DLGAP1: variants seen among roughly 807,000 people sequenced by gnomAD.
DLGAP1 encodes the protein disks large-associated protein 1.
A neutral mutation model predicts 90.8 loss-of-function variants in DLGAP1; 11 were observed. The ratio of observed to expected loss-of-function variants is 0.12; its 90% CI spans 0.08 to 0.20. The LOEUF is 0.20. DLGAP1 is among the 10% of genes least tolerant of loss of function. The probability of loss-of-function intolerance (pLI) is 1.00; values close to 1 mark genes in which losing one functional copy is unlikely to be tolerated. For missense variants in DLGAP1, 1,050 were observed against 1,333.8 expected (o/e 0.79, Z 3.31); for synonymous variants, 558 against 540.7 (o/e 1.03, Z -0.44).
In DLGAP1 at chr18:3,874,364, G is replaced by A. The variant is rs192808547; in HGVS notation, c.957+4748C>T. 9.3e-5 allele frequency: 138 copies of A among 1,489,730 alleles called. No individual in the cohort carries two copies. In the African/African-American group the frequency reaches 1.6e-3, roughly 18 times the overall value. The allele number at this position is 1,489,730 out of a possible 1,614,324, so 92.3% of individuals were successfully genotyped here. A position where few individuals can be genotyped will look rare whatever the true frequency, so the allele number is the denominator to read the frequency against. On this transcript the variant is annotated intron_variant, in intron 4 of 12. Transcript: ENST00000315677. ...TTTGTTTCCCTTTTCCTGTTTCTAC[G>A]GCTGAATGAATGCAAAATACACTGT...
At chr18:4,318,690 G>A (rs1310902768) in intron 1 of DLGAP1, among the ~76,000 whole-genome samples, 1 of 152,092 alleles carries the variant, frequency 6.6e-6, no homozygotes, top group Non-Finnish European at 1.5e-5. Context: ...ACTTCATTAA[G>A]AATGTGCATC....
At chr18:3,795,521 G>C (rs1029553593) in intron 5 of DLGAP1, among the ~76,000 whole-genome samples, 1 of 152,112 alleles carries the variant, frequency 6.6e-6, no homozygotes, top group South Asian at 2.1e-4. Flanking sequence ...TCACCATGTT[G>C]GCCAGGATGG....
intron 3 of DLGAP1, among the ~76,000 whole-genome samples, chr18:4,002,827 C>T (rs889996097): frequency 6.6e-6 from 1 of 152,168 alleles, no homozygotes; most frequent in Non-Finnish European, 1.5e-5. Flanking sequence ...GAGCCCTCAA[C>T]AGAGAATATG....
At chr18:3,574,249 G>C (rs1394281471) in intron 8 of DLGAP1, among the ~76,000 whole-genome samples, 1 of 151,830 alleles carries the variant, frequency 6.6e-6, no homozygotes, top group Non-Finnish European at 1.5e-5. Context: ...CACTTTACTT[G>C]TAATTCCTTC....
intron 7 of DLGAP1, among the ~76,000 whole-genome samples, chr18:3,618,453 G>T (rs1443114400): frequency 2.0e-5 from 3 of 151,884 alleles, no homozygotes; most frequent in Non-Finnish European, 4.4e-5. Context: ...TGTCCAGGGT[G>T]TGTATGGACT....
rs200527161 is a variant in DLGAP1, at chr18:4,059,388, C to CA, written c.-158-54188dup. Among the ~76,000 whole-genome samples, 387 of 151,368 alleles carry CA rather than the reference C, an allele frequency of 2.6e-3. 3 individuals are homozygous for CA. Among genetic ancestry groups the CA allele is most frequent in the African/African-American group, 7.9e-3 (326 of 41,272 alleles). ...AGTTTGATTTCCCCAAACCTTAAAACAAAAAAAAACTAGCTTTCTTTTGTA... is the reference window on the plus strand; with the variant it reads ...AGTTTGATTTCCCCAAACCTTAAAACAAAAAAAAAACTAGCTTTCTTTTGTA... On this transcript the variant is annotated intron_variant, in intron 2 of 12. Transcript: ENST00000315677.
At chr18:3,859,707 T>C (rs1284169266) in intron 4 of DLGAP1, among the ~76,000 whole-genome samples, 2 of 152,118 alleles carry the variant, frequency 1.3e-5, no homozygotes, top group African/African-American at 4.8e-5. Flanking sequence ...GGGTGTCTTC[T>C]CTAGAAACCT....
chr18:4,330,930 G>C (rs2143724362), intron 1 of DLGAP1, among the ~76,000 whole-genome samples: 1 of 151,864 alleles, frequency 6.6e-6, no homozygotes, highest in East Asian at 1.9e-4. Flanking sequence ...ACTGGGAGCA[G>C]AGTGTTGAAA....
At chr18:3,633,542 T>C (rs956143359) in intron 7 of DLGAP1, among the ~76,000 whole-genome samples, 1 of 152,184 alleles carries the variant, frequency 6.6e-6, no homozygotes, top group South Asian at 2.1e-4. Flanking sequence ...ATTATGTATA[T>C]GTATGTACAG....
intron 2 of DLGAP1, among the ~76,000 whole-genome samples, chr18:4,113,914 T>C (rs138842595): frequency 2.9e-4 from 44 of 152,270 alleles, no homozygotes; most frequent in African/African-American, 1.0e-3. Context: ...AAAGATCAGA[T>C]GTCTGTAGCT....
chr18:4,302,385 A>G (rs1379213096), intron 1 of DLGAP1, among the ~76,000 whole-genome samples: 3 of 152,208 alleles, frequency 2.0e-5, no homozygotes, highest in Non-Finnish European at 4.4e-5. Context: ...TCCTGACATC[A>G]TTTATTGAAG....
At position 3,704,661 on chromosome 18, in the gene DLGAP1, T is replaced by A. The variant is rs377465593; in HGVS notation, c.1591+24474A>T. The stretch of plus-strand genomic sequence containing the variant: ...GGGTCCATTGCTTGATTTTTTTTTT[T>A]AAATCTTCTTAAACAACTCTGAATT... On this transcript the variant is annotated intron_variant, in intron 7 of 12. Transcript: ENST00000315677. Among the ~76,000 whole-genome samples the A allele has an allele frequency of 2.4e-4, 36 of 152,046 alleles. 1 individual carries two copies. Among genetic ancestry groups the A allele is most frequent in the African/African-American group, 8.2e-4 (34 of 41,516 alleles).
intron 1 of DLGAP1, among the ~76,000 whole-genome samples, chr18:4,197,812 G>A (rs753400731): frequency 1.3e-5 from 2 of 152,120 alleles, no homozygotes; most frequent in Admixed American, 6.5e-5. Flanking sequence ...AGATGAAGTA[G>A]GGAGAAATTA....
chr18:3,533,210 GA>G (rs2052127336), intron 10 of DLGAP1, among the ~76,000 whole-genome samples: 1 of 152,222 alleles, frequency 6.6e-6, no homozygotes, highest in Admixed American at 6.5e-5. Context: ...GGTGAGCCAT[GA>G]TTGCGCCACT....
At position 4,317,829 on chromosome 18, in the gene DLGAP1, G is replaced by T. The variant is rs530639510; in HGVS notation, c.-267+137177C>A. Among the ~76,000 whole-genome samples, 8 of 152,256 alleles carry T rather than the reference G, an allele frequency of 5.3e-5. No individual in the cohort carries two copies. In the East Asian group the frequency reaches 1.4e-3, roughly 26 times the overall value. Reference sequence around the variant, plus strand: ...GAACAACAAGTAAAATATATAAAAAGAGCTAAAAGCTTTCCTTTTCTTTCT... The same window carrying T: ...GAACAACAAGTAAAATATATAAAAATAGCTAAAAGCTTTCCTTTTCTTTCT... On this transcript the variant is annotated intron_variant, in intron 1 of 12. Transcript: ENST00000315677.
intron 2 of DLGAP1, among the ~76,000 whole-genome samples, chr18:4,049,924 A>G (rs1394681480): frequency 7.0e-6 from 1 of 143,266 alleles, no homozygotes; most frequent in Non-Finnish European, 1.5e-5. Context: ...CCATCCATCC[A>G]TCCATCCATC....
rs550042995 is a variant in DLGAP1, at chr18:4,379,140, C to A, written c.-267+75866G>T. On this transcript the variant is annotated intron_variant, in intron 1 of 12. Coordinates refer to ENST00000315677, the MANE Select transcript of DLGAP1 (RefSeq NM_004746.4). Reference sequence around the variant, plus strand: ...CTGGAAAATCATATAGAATGGGAAACTATGGAAGCCCCAGGGGCTATGTGT... The same window carrying A: ...CTGGAAAATCATATAGAATGGGAAAATATGGAAGCCCCAGGGGCTATGTGT... Among the ~76,000 whole-genome samples the A allele has an allele frequency of 5.7e-4, 87 of 152,218 alleles. No individual in the cohort carries two copies. In the South Asian group the frequency reaches 0.017, roughly 30 times the overall value.
intron 1 of DLGAP1, among the ~76,000 whole-genome samples, chr18:4,407,674 T>C (rs1057443377): frequency 6.6e-6 from 1 of 150,780 alleles, no homozygotes; most frequent in African/African-American, 2.4e-5. Flanking sequence ...AGGTCAGGAG[T>C]TCAAGACCAG....
intron 2 of DLGAP1, among the ~76,000 whole-genome samples, chr18:4,040,073 A>G (rs1192690571): frequency 6.6e-6 from 1 of 152,132 alleles, no homozygotes; most frequent in Non-Finnish European, 1.5e-5. Flanking sequence ...TTGTTTTCTA[A>G]AGATGTTTTA....
Sources: gnomAD v4.1 joint callset for allele counts (sites outside exome capture counted in the v4.1 genomes callset) on GRCh38, gnomAD v4.1.1 for gene constraint, MANE v1.5 for transcripts, NCBI Gene and HGNC (gene_info 2026-07-23, HGNC 2026-07-21) for gene names.